The following KHDRBS3 variants were observed in gnomAD, a reference collection of about 807,000 sequenced individuals.
KHDRBS3 encodes the protein KH domain-containing, RNA-binding, signal transduction-associated protein 3.
A neutral mutation model predicts 45.6 loss-of-function variants in KHDRBS3; 23 were observed. That is an observed-to-expected ratio of 0.50 (90% confidence interval 0.36 to 0.72). The LOEUF is 0.72. KHDRBS3 is among the 30% of genes least tolerant of loss of function. The probability of loss-of-function intolerance (pLI) is 0.00; values close to 1 mark genes in which losing one functional copy is unlikely to be tolerated. For missense variants in KHDRBS3, 352 were observed against 424.8 expected, an observed-to-expected ratio of 0.83 and a Z score of 1.51; for synonymous variants, 162 against 156.5, an observed-to-expected ratio of 1.04 and a Z score of -0.26.
chr8:135,576,850 T>G (rs1319752077), intron 5 of KHDRBS3, among the ~76,000 whole-genome samples: 1 of 152,224 alleles, frequency 6.6e-6, no homozygotes, highest in Non-Finnish European at 1.5e-5. Flanking sequence ...TATGCATATT[T>G]AACCATCTGT....
At chr8:135,527,055 T>C (rs1490945262) in intron 2 of KHDRBS3, among the ~76,000 whole-genome samples, 1 of 152,068 alleles carries the variant, frequency 6.6e-6, no homozygotes, top group Non-Finnish European at 1.5e-5. Context: ...GACCTACAGA[T>C]ACATTATGGT....
At chr8:135,502,321 C>T (rs899440095) in intron 1 of KHDRBS3, among the ~76,000 whole-genome samples, 2 of 152,156 alleles carry the variant, frequency 1.3e-5, no homozygotes, top group African/African-American at 4.8e-5. Context: ...GCCTTTGTCT[C>T]ACTGCTGTTC....
chr8:135,537,713 T>C (rs1825847940), intron 2 of KHDRBS3, among the ~76,000 whole-genome samples: 1 of 152,140 alleles, frequency 6.6e-6, no homozygotes, highest in South Asian at 2.1e-4. Context: ...ATAATTGACA[T>C]CTGGAGAAAA....
intron 7 of KHDRBS3, among the ~76,000 whole-genome samples, chr8:135,636,263 T>C (rs2131161228): frequency 6.6e-6 from 1 of 152,314 alleles, no homozygotes; most frequent in South Asian, 2.1e-4. Flanking sequence ...AGAGCACTTT[T>C]CCCGTCATCA....
chr8:135,621,275 G>A (rs928511432), intron 7 of KHDRBS3, among the ~76,000 whole-genome samples: 1 of 152,138 alleles, frequency 6.6e-6, no homozygotes, highest in African/African-American at 2.4e-5. Flanking sequence ...TGCTCTTCTT[G>A]AGTAATAAGT....
downstream of KHDRBS3, chr8:135,647,615 G>T (rs1030037742): frequency 1.3e-5 from 2 of 152,440 alleles, no homozygotes; most frequent in African/African-American, 2.4e-5. Flanking sequence ...AAGAAATTTT[G>T]TGTGTGTGAG....
intron 4 of KHDRBS3, among the ~76,000 whole-genome samples, chr8:135,551,097 TTTA>T (rs1465913905): frequency 6.6e-6 from 1 of 152,170 alleles, no homozygotes; most frequent in Non-Finnish European, 1.5e-5. Context: ...GCCAAACGTG[TTTA>T]TTAGTTCCAG....
intron 2 of KHDRBS3, among the ~76,000 whole-genome samples, chr8:135,530,436 G>A (rs546241922): frequency 6.6e-6 from 1 of 152,118 alleles, no homozygotes; most frequent in Non-Finnish European, 1.5e-5. Context: ...TCCATTAAAA[G>A]AAATAATCAA....
At chr8:135,528,292 C>T (rs1009523191) in intron 2 of KHDRBS3, among the ~76,000 whole-genome samples, 3 of 152,072 alleles carry the variant, frequency 2.0e-5, no homozygotes, top group Non-Finnish European at 4.4e-5. Flanking sequence ...TTCAGGGAAA[C>T]TTTCTTTTTT....
intron 2 of KHDRBS3, among the ~76,000 whole-genome samples, chr8:135,535,240 ATAGT>A (rs1168742166): frequency 4.8e-4 from 71 of 146,452 alleles, no homozygotes; most frequent in Non-Finnish European, 9.1e-4. Flanking sequence ...ACTATTATAT[ATAGT>A]TAAACTATAT....
chr8:135,490,153 A>G (rs532518666), intron 1 of KHDRBS3, among the ~76,000 whole-genome samples: 2 of 152,200 alleles, frequency 1.3e-5, no homozygotes, highest in East Asian at 3.9e-4. Context: ...GTGTAAGTGC[A>G]CTCCATGATG....
At position 135,458,052 on chromosome 8, in the gene KHDRBS3, G is replaced by A. The variant is rs561948645; in HGVS notation, c.88+98G>A. 5 of 1,422,572 alleles carry A rather than the reference G, an allele frequency of 3.5e-6. No homozygotes were observed. The African/African-American group carries it at 7.6e-5, about 22-fold the overall frequency. The allele number at this position is 1,422,572 out of a possible 1,614,324, so 88.1% of individuals were successfully genotyped here. On this transcript the variant is annotated intron_variant, in intron 1 of 8. Transcript: ENST00000355849. ...CCCTCCGTGCCCTCTGCTGTCAGCG[G>A]ACGCGGCGGAGACGGAGGCCCGGGT...
chr8:135,507,684 G>A (rs1228603833), intron 1 of KHDRBS3, among the ~76,000 whole-genome samples: 1 of 152,098 alleles, frequency 6.6e-6, no homozygotes, highest in Non-Finnish European at 1.5e-5. Flanking sequence ...GACTCTAGGC[G>A]GAGCAATATG....
Position 135,647,329 on chromosome 8 carries a change from C to T in KHDRBS3, c.*245C>T, listed in dbSNP as rs939101591. The T allele has an allele frequency of 9.1e-5, 28 of 306,410 alleles. No individual in the cohort carries two copies. Among genetic ancestry groups the T allele is most frequent in the Admixed American group, 4.9e-5 (1 of 20,246 alleles). The allele number at this position is 306,410 out of a possible 1,614,324, so 19.0% of individuals were successfully genotyped here. On this transcript the variant is annotated 3_prime_UTR_variant, in exon 9 of 9. Transcript: ENST00000355849. ...AGGTCATCAAAAGGAAAAAAAATAA[C>T]TTTGATTAACTAGTGTTAAACAAAA...
At chr8:135,490,290 T>C (rs1028511936) in intron 1 of KHDRBS3, among the ~76,000 whole-genome samples, 7 of 152,200 alleles carry the variant, frequency 4.6e-5, no homozygotes, top group African/African-American at 1.7e-4. Context: ...CTAGTGGCTT[T>C]TAGAATTGCT....
chr8:135,647,221 T>C lies in KHDRBS3; in HGVS notation c.*137T>C, dbSNP rs1831328430. 2.9e-6 allele frequency: 1 copy of C among 341,596 alleles called. No homozygotes were observed. 21.2% of individuals were successfully genotyped at this position (341,596 alleles called of 1,614,324 possible). ...CTGAATGGATGGAACTTAAAACTAC[T>C]TTGTTGAAACATCAACCTGGGCAGA... On this transcript the variant is annotated 3_prime_UTR_variant, in exon 9 of 9. Coordinates refer to ENST00000355849, the MANE Select transcript of KHDRBS3 (RefSeq NM_006558.3).
chr8:135,518,052 C>T (rs561323075), intron 1 of KHDRBS3, among the ~76,000 whole-genome samples: 15 of 152,188 alleles, frequency 9.9e-5, no homozygotes, highest in Admixed American at 4.6e-4. Flanking sequence ...GATTTTCTTA[C>T]GACAAAATGT....
chr8:135,634,887 G>A lies in KHDRBS3; in HGVS notation c.891-10172G>A, dbSNP rs151048476. ...TAAAAGAATAATTCTTCAGGCAAGCGTAATGCTCACTCTGCCGGCCTCCTG... is the reference window on the plus strand; with the variant it reads ...TAAAAGAATAATTCTTCAGGCAAGCATAATGCTCACTCTGCCGGCCTCCTG... On this transcript the variant is annotated intron_variant, in intron 7 of 8. Coordinates refer to ENST00000355849, the MANE Select transcript of KHDRBS3 (RefSeq NM_006558.3). Among the ~76,000 whole-genome samples the A allele has an allele frequency of 1.3e-3, 198 of 152,288 alleles. 2 individuals are homozygous for A. The highest frequency in any genetic ancestry group is 4.4e-3 in the African/African-American group (181 of 41,554).
At chr8:135,486,640 G>T (rs1822879404) in intron 1 of KHDRBS3, among the ~76,000 whole-genome samples, 1 of 152,212 alleles carries the variant, frequency 6.6e-6, no homozygotes, top group Admixed American at 6.5e-5. Flanking sequence ...AGCTTCATTA[G>T]AAAGGATTAC....
Sources: allele counts gnomAD v4.1 joint callset (sites outside exome capture counted in the v4.1 genomes callset), GRCh38; gene constraint gnomAD v4.1.1; transcripts MANE v1.5; gene names NCBI Gene and HGNC (gene_info 2026-07-23, HGNC 2026-07-21).